The following CLSTN2 variants were observed in gnomAD, a reference collection of about 807,000 sequenced individuals.
CLSTN2 encodes calsyntenin-2.
Under a neutral mutation model 101.2 loss-of-function variants are expected in CLSTN2, and 48 were observed. The observed-to-expected ratio is 0.47, with a 90% confidence interval of 0.38 to 0.60. The LOEUF (loss-of-function observed/expected upper bound fraction) is 0.60, where lower values mean the gene tolerates loss of function less well. CLSTN2 is among the 20% of genes least tolerant of loss of function. CLSTN2 has a pLI of 0.00. For synonymous variants in CLSTN2, 481 were observed against 463.6 expected (o/e 1.04, Z -0.48); for missense variants, 1,160 against 1,238.2 (o/e 0.94, Z 0.95).
intron 2 of CLSTN2, among the ~76,000 whole-genome samples, chr3:140,294,852 A>G (rs111448280): frequency 0.023 from 3,526 of 152,270 alleles, 145 homozygotes; most frequent in African/African-American, 0.08. Context: ...GCACTCTTCC[A>G]TGTTGCAGAC....
chr3:140,291,264 G>A (rs181787736), intron 2 of CLSTN2, among the ~76,000 whole-genome samples: 1 of 152,116 alleles, frequency 6.6e-6, no homozygotes, highest in East Asian at 1.9e-4. Flanking sequence ...GCGTACTCAT[G>A]GCCCCGCCTC....
intron 1 of CLSTN2, among the ~76,000 whole-genome samples, chr3:140,120,741 T>G (rs1345648770): frequency 6.6e-6 from 1 of 152,220 alleles, no homozygotes; most frequent in African/African-American, 2.4e-5. Flanking sequence ...TGTCTGTCTG[T>G]ATATCGTAAG....
chr3:140,484,216 C>T (rs1559883438), intron 8 of CLSTN2, among the ~76,000 whole-genome samples: 1 of 152,192 alleles, frequency 6.6e-6, no homozygotes, highest in African/African-American at 2.4e-5. Flanking sequence ...TTCTCCTTCA[C>T]TGATGAAGCT....
intron 1 of CLSTN2, among the ~76,000 whole-genome samples, chr3:139,937,243 T>C (rs1333464031): frequency 6.6e-6 from 1 of 151,878 alleles, no homozygotes; most frequent in Non-Finnish European, 1.5e-5. Flanking sequence ...GGGAAGAGGA[T>C]CTGGTGTGAG....
chr3:140,371,398 G>C (rs566746479), intron 2 of CLSTN2, among the ~76,000 whole-genome samples: 21 of 152,296 alleles, frequency 1.4e-4, no homozygotes, highest in African/African-American at 4.8e-4. Context: ...GGGAAACAAG[G>C]AGCTGTCATA....
intron 8 of CLSTN2, among the ~76,000 whole-genome samples, chr3:140,474,813 G>A (rs1486060865): frequency 3.9e-5 from 6 of 152,028 alleles, no homozygotes; most frequent in Admixed American, 1.3e-4. Context: ...GGGCTCCGGC[G>A]AGCCCAGTCC....
At chr3:140,289,399 A>T (rs1473918148) in intron 2 of CLSTN2, among the ~76,000 whole-genome samples, 1 of 152,038 alleles carries the variant, frequency 6.6e-6, no homozygotes, top group Non-Finnish European at 1.5e-5. Context: ...CCTGCAAAAA[A>T]TCCACTGATT....
intron 2 of CLSTN2, among the ~76,000 whole-genome samples, chr3:140,192,525 T>A (rs991285236): frequency 1.3e-5 from 2 of 151,900 alleles, no homozygotes; most frequent in African/African-American, 4.8e-5. Flanking sequence ...ATTTGTGAAG[T>A]GGCCCTTTAA....
chr3:140,033,912 T>C (rs752708987), intron 1 of CLSTN2, among the ~76,000 whole-genome samples: 1 of 152,174 alleles, frequency 6.6e-6, no homozygotes, highest in African/African-American at 2.4e-5. Flanking sequence ...TTGAAATAAT[T>C]AGCTTTACCT....
At chr3:140,489,509 G>A (rs1934299151) in intron 8 of CLSTN2, among the ~76,000 whole-genome samples, 1 of 152,112 alleles carries the variant, frequency 6.6e-6, no homozygotes, top group Non-Finnish European at 1.5e-5. Context: ...ATCAGGGATA[G>A]ACAGGAGCCA....
At chr3:140,259,572 A>G (rs1161642920) in intron 2 of CLSTN2, among the ~76,000 whole-genome samples, 1 of 152,128 alleles carries the variant, frequency 6.6e-6, no homozygotes, top group Non-Finnish European at 1.5e-5. Context: ...TATCACCACA[A>G]TCAAGATGAC....
chr3:140,326,446 C>A (rs1034320177), intron 2 of CLSTN2, among the ~76,000 whole-genome samples: 2 of 152,216 alleles, frequency 1.3e-5, no homozygotes, highest in Non-Finnish European at 2.9e-5. Context: ...AAGTTGTACA[C>A]TACCTACGTC....
At chr3:140,054,320 CT>C (rs1576411367) in intron 1 of CLSTN2, among the ~76,000 whole-genome samples, 1 of 152,120 alleles carries the variant, frequency 6.6e-6, no homozygotes, top group African/African-American at 2.4e-5. Context: ...GTAACAGGCA[CT>C]TTTTTTCTCC....
intron 2 of CLSTN2, among the ~76,000 whole-genome samples, chr3:140,284,010 A>G (rs910096417): frequency 6.6e-6 from 1 of 152,224 alleles, no homozygotes; most frequent in African/African-American, 2.4e-5. Context: ...AAAAATTGGA[A>G]GCTGGTAAAT....
At chr3:140,370,807 G>C (rs2087846948) in intron 2 of CLSTN2, among the ~76,000 whole-genome samples, 1 of 152,122 alleles carries the variant, frequency 6.6e-6, no homozygotes, top group African/African-American at 2.4e-5. Context: ...GCAGTTGGGG[G>C]CATGCTGGAT....
intron 5 of CLSTN2, among the ~76,000 whole-genome samples, chr3:140,444,969 G>A (rs1324051051): frequency 1.3e-5 from 2 of 152,170 alleles, no homozygotes; most frequent in Non-Finnish European, 2.9e-5. Flanking sequence ...CTCCTTCTTG[G>A]AAAATGGAAG....
intron 8 of CLSTN2, among the ~76,000 whole-genome samples, chr3:140,472,250 T>C (rs1374518813): frequency 2.0e-5 from 3 of 152,124 alleles, no homozygotes; most frequent in Non-Finnish European, 2.9e-5. Context: ...TTTGAGCACA[T>C]TTGTCTTGGG....
At chr3:140,023,343 T>C (rs1247457105) in intron 1 of CLSTN2, among the ~76,000 whole-genome samples, 1 of 152,110 alleles carries the variant, frequency 6.6e-6, no homozygotes, top group Non-Finnish European at 1.5e-5. Flanking sequence ...CCCACCACGA[T>C]GTGCACCTGG....
intron 1 of CLSTN2, among the ~76,000 whole-genome samples, chr3:139,985,915 T>C (rs1363887416): frequency 6.6e-6 from 1 of 152,234 alleles, no homozygotes; most frequent in African/African-American, 2.4e-5. Context: ...ATTTTTAAAC[T>C]TCATTTAATT....
Sources: gnomAD v4.1 joint callset for allele counts (sites outside exome capture counted in the v4.1 genomes callset) on GRCh38, gnomAD v4.1.1 for gene constraint, MANE v1.5 for transcripts, NCBI Gene and HGNC (gene_info 2026-07-23, HGNC 2026-07-21) for gene names.